RAD23B: variants seen among roughly 807,000 people sequenced by gnomAD.
RAD23B encodes the protein RAD23 nucleotide excision repair protein B.
In RAD23B, 5 loss-of-function variants were observed where a neutral mutation model predicts 49.1. The ratio of observed to expected loss-of-function variants is 0.10; its 90% CI spans 0.05 to 0.21. The LOEUF (loss-of-function observed/expected upper bound fraction) is 0.21. Among genes scored for constraint, RAD23B ranks in the 10% least tolerant of loss-of-function variants. RAD23B has a pLI of 1.00. For synonymous variants in RAD23B, 184 were observed against 165.4 expected (o/e 1.11, Z -0.86); for missense variants, 356 against 486.7 (o/e 0.73, Z 2.53).
At chr9:107,292,158 T>C (rs964865395) in intron 1 of RAD23B, among the ~76,000 whole-genome samples, 16 of 150,830 alleles carry the variant, frequency 1.1e-4, no homozygotes, top group Non-Finnish European at 8.9e-5. Flanking sequence ...AACATAGTTA[T>C]AAATATTCAT....
chr9:107,291,241 G>C (rs1833378899), intron 1 of RAD23B, among the ~76,000 whole-genome samples: 1 of 152,108 alleles, frequency 6.6e-6, no homozygotes, highest in Non-Finnish European at 1.5e-5. Flanking sequence ...TCCATTCTTT[G>C]CCTATATAGA....
intron 5 of RAD23B, among the ~76,000 whole-genome samples, chr9:107,314,550 C>T (rs1826953853): frequency 6.6e-6 from 1 of 152,164 alleles, no homozygotes; most frequent in Admixed American, 6.5e-5. Context: ...TATTATTACA[C>T]ACACACACCA....
At chr9:107,326,627 C>CTTTTTTTTTTTTTTTT (rs796381629) in intron 9 of RAD23B, among the ~76,000 whole-genome samples, 2 of 67,510 alleles carry the variant, frequency 3.0e-5, no homozygotes, top group Non-Finnish European at 5.6e-5. Context: ...TTTTGTATTT[C>CTTTTTTTTTTTTTTTT]TTTTTTTTTT....
At chr9:107,325,868 A>T (rs1240551350) in intron 9 of RAD23B, among the ~76,000 whole-genome samples, 1 of 152,168 alleles carries the variant, frequency 6.6e-6, no homozygotes, top group Non-Finnish European at 1.5e-5. Context: ...GATATTATCT[A>T]TGGGTTTTTT....
chr9:107,331,619 C>A lies in RAD23B; in HGVS notation c.*1963C>A. The stretch of plus-strand genomic sequence containing the variant: ...TGGGAAAAGAGGTGGCATTTCTGAT[C>A]GGATAATGGAATACTCTCATTTATT... On this transcript the variant is annotated 3_prime_UTR_variant, in exon 10 of 10. Coordinates refer to ENST00000358015, the MANE Select transcript of RAD23B (RefSeq NM_002874.5). The A allele has an allele frequency of 1.3e-6, 1 of 749,656 alleles. No individual in the cohort carries two copies. The highest frequency in any genetic ancestry group is 2.5e-6 in the Non-Finnish European group (1 of 406,190). The allele number at this position is 749,656 out of a possible 1,614,324, so 46.4% of individuals were successfully genotyped here. A position where few individuals can be genotyped will look rare whatever the true frequency, so the allele number is the denominator to read the frequency against.
chr9:107,324,105 C>G, intron 8 of RAD23B, 88 bp downstream of exon 8: 1 of 1,363,004 alleles, frequency 7.3e-7, no homozygotes, highest in African/African-American at 1.4e-5. Context: ...TCCTCAAATA[C>G]AACTCTGTAT....
intron 7 of RAD23B, among the ~76,000 whole-genome samples, chr9:107,322,655 C>T (rs536079424): frequency 1.4e-3 from 209 of 152,292 alleles, no homozygotes; most frequent in Non-Finnish European, 2.7e-3. Context: ...CTGGAACCTG[C>T]GGTCAGCTTA....
chr9:107,303,763 T>G (rs140270138), intron 3 of RAD23B, among the ~76,000 whole-genome samples: 221 of 152,332 alleles, frequency 1.5e-3, no homozygotes, highest in Non-Finnish European at 2.7e-3. Flanking sequence ...CTATCTAGTT[T>G]TAGCATACAT....
At chr9:107,304,263 T>C (rs1826715563) in intron 3 of RAD23B, among the ~76,000 whole-genome samples, 1 of 152,214 alleles carries the variant, frequency 6.6e-6, no homozygotes, top group African/African-American at 2.4e-5. Context: ...TGCAATATTA[T>C]TTTGATAACA....
chr9:107,288,469 G>A (rs1404898457), intron 1 of RAD23B, among the ~76,000 whole-genome samples: 1 of 152,100 alleles, frequency 6.6e-6, no homozygotes, highest in Non-Finnish European at 1.5e-5. Context: ...TTTTTGAGAT[G>A]CAGTCTTACT....
chr9:107,307,571 A>G (rs1405179466), intron 4 of RAD23B, among the ~76,000 whole-genome samples: 1 of 152,252 alleles, frequency 6.6e-6, no homozygotes, highest in Non-Finnish European at 1.5e-5. Context: ...AGTCAGAATC[A>G]GACACAGTGG....
In RAD23B at chr9:107,331,332, G is replaced by A. The variant is rs566703990; in HGVS notation, c.*1676G>A. The A allele has an allele frequency of 4.7e-5, 9 of 190,398 alleles. No individual in the cohort carries two copies. The highest frequency in any genetic ancestry group is 9.4e-5 in the African/African-American group (4 of 42,556). 11.8% of individuals were successfully genotyped at this position (190,398 alleles called of 1,614,324 possible). A position where few individuals can be genotyped will look rare whatever the true frequency, so the allele number is the denominator to read the frequency against. On this transcript the variant is annotated 3_prime_UTR_variant, in exon 10 of 10. Transcript: ENST00000358015. ...AGCCTGACCGTCATGGCGAAACCCC[G>A]TCTATACTAAAAATACAAAAAATAG...
chr9:107,316,348 C>T (rs1826996315), intron 5 of RAD23B, among the ~76,000 whole-genome samples: 1 of 152,180 alleles, frequency 6.6e-6, no homozygotes, highest in South Asian at 2.1e-4. Flanking sequence ...GTACCCTCCT[C>T]ATCTTTTAAA....
intron 1 of RAD23B, among the ~76,000 whole-genome samples, chr9:107,297,604 A>G (rs1826554417): frequency 6.6e-6 from 1 of 151,982 alleles, no homozygotes; most frequent in South Asian, 2.1e-4. Context: ...CTCCCAAAGT[A>G]TGGGATTACA....
chr9:107,283,698 A>G lies in RAD23B; in HGVS notation c.66+3A>G. ...TAGACATTGACCCCGAGGAGACGGT[A>G]TGCGCGCGGGCCGGGGGCAGGGGCA... On this transcript the variant is annotated splice_donor_region_variant and intron_variant, in intron 1 of 9. Transcript: ENST00000358015. The G allele has an allele frequency of 6.8e-7, 1 of 1,464,274 alleles. No homozygotes were observed. Among genetic ancestry groups the G allele is most frequent in the Non-Finnish European group, 9.1e-7 (1 of 1,103,780 alleles). The allele number at this position is 1,464,274 out of a possible 1,614,324, so 90.7% of individuals were successfully genotyped here. A position where few individuals can be genotyped will look rare whatever the true frequency, so the allele number is the denominator to read the frequency against.
chr9:107,325,150 A>C (rs1326744743), intron 9 of RAD23B, 146 bp downstream of exon 9: 1 of 601,924 alleles, frequency 1.7e-6, no homozygotes, highest in Non-Finnish European at 2.7e-6. Context: ...CCCCATCTCT[A>C]CTAAAAATAC....
intron 3 of RAD23B, among the ~76,000 whole-genome samples, chr9:107,303,825 G>A (rs1487563974): frequency 6.6e-6 from 1 of 152,042 alleles, no homozygotes; most frequent in African/African-American, 2.4e-5. Context: ...TTTTGTTACT[G>A]GTCTTAGTTT....
intron 7 of RAD23B, among the ~76,000 whole-genome samples, chr9:107,323,265 A>T (rs1330415703): frequency 6.6e-6 from 1 of 152,190 alleles, no homozygotes; most frequent in East Asian, 1.9e-4. Flanking sequence ...TTAGTACTAG[A>T]TTGCCATACA....
intron 9 of RAD23B, among the ~76,000 whole-genome samples, chr9:107,328,527 G>A (rs557492963): frequency 1.1e-4 from 17 of 152,294 alleles, no homozygotes; most frequent in Non-Finnish European, 2.1e-4. Context: ...TTCACAGTAG[G>A]GTTCATGCTC....
Sources: allele counts gnomAD v4.1 joint callset (sites outside exome capture counted in the v4.1 genomes callset), GRCh38; gene constraint gnomAD v4.1.1; transcripts MANE v1.5; gene names NCBI Gene and HGNC (gene_info 2026-07-23, HGNC 2026-07-21).